Variants in ATP2B2 observed in about 807,000 individuals in gnomAD.
ATP2B2 encodes ATPase plasma membrane Ca2+ transporting 2, also known as plasma membrane calcium-transporting ATPase 2.
Under a neutral mutation model 120.0 loss-of-function variants are expected in ATP2B2, and 15 were observed. The observed-to-expected ratio is 0.12, with a 90% CI of 0.08 to 0.19. The LOEUF is 0.19. Ranked by LOEUF, ATP2B2 falls within the 10% of genes least tolerant of loss-of-function variation. The pLI is 1.00. For missense variants in ATP2B2, 1,045 were observed against 1,719.8 expected (o/e 0.61, Z 6.94); for synonymous variants, 694 against 700.3 (o/e 0.99, Z 0.14).
At chr3:10,612,736 C>A (rs1045337355) in intron 2 of ATP2B2, among the ~76,000 whole-genome samples, 1 of 152,186 alleles carries the variant, frequency 6.6e-6, no homozygotes, top group South Asian at 2.1e-4. Context: ...CACACCATTA[C>A]CCTCTGTTTT....
intron 2 of ATP2B2, among the ~76,000 whole-genome samples, chr3:10,429,496 C>A (rs375317521): frequency 6.6e-6 from 1 of 152,056 alleles, no homozygotes; most frequent in Non-Finnish European, 1.5e-5. Flanking sequence ...CTATTGTAAC[C>A]GTTTTGGGGC....
At chr3:10,481,429 C>T (rs1475698454) in intron 1 of ATP2B2, among the ~76,000 whole-genome samples, 5 of 152,172 alleles carry the variant, frequency 3.3e-5, no homozygotes, top group Admixed American at 3.3e-4. Flanking sequence ...AGTCCCCCAC[C>T]TCAGGCAGTG....
At chr3:10,363,147 C>A (rs2060948393) in intron 12 of ATP2B2, among the ~76,000 whole-genome samples, 1 of 152,176 alleles carries the variant, frequency 6.6e-6, no homozygotes, top group South Asian at 2.1e-4. Flanking sequence ...TTGCAAATGG[C>A]AGAGCTGCCT....
chr3:10,351,178 C>T (rs960031522), intron 14 of ATP2B2, among the ~76,000 whole-genome samples: 3 of 152,160 alleles, frequency 2.0e-5, no homozygotes, highest in Non-Finnish European at 2.9e-5. Flanking sequence ...TAATGACAGA[C>T]GGATATCTGG....
intron 3 of ATP2B2, among the ~76,000 whole-genome samples, chr3:10,519,771 G>A (rs2066946129): frequency 6.6e-6 from 1 of 152,216 alleles, no homozygotes; most frequent in African/African-American, 2.4e-5. Flanking sequence ...ACTGAGCCAG[G>A]CACTCAGCAG....
chr3:10,429,145 G>A (rs576226565), intron 2 of ATP2B2, among the ~76,000 whole-genome samples: 8 of 151,960 alleles, frequency 5.3e-5, no homozygotes, highest in Admixed American at 1.3e-4. Context: ...TGCATCCTCC[G>A]GGTCTCCTCT....
chr3:10,337,148 A>G (rs2060139440), intron 22 of ATP2B2, among the ~76,000 whole-genome samples: 1 of 152,214 alleles, frequency 6.6e-6, no homozygotes, highest in African/African-American at 2.4e-5. Flanking sequence ...GGTAACCTCT[A>G]AAACTGGGGG....
chr3:10,611,637 C>T (rs923827721), intron 2 of ATP2B2, among the ~76,000 whole-genome samples: 30 of 151,934 alleles, frequency 2.0e-4, no homozygotes, highest in African/African-American at 7.0e-4. Context: ...TGACTGGGTC[C>T]TCACCCAGGA....
chr3:10,587,001 C>A (rs184358428), intron 2 of ATP2B2, among the ~76,000 whole-genome samples: 17 of 152,270 alleles, frequency 1.1e-4, no homozygotes. Context: ...CTTAGCACCA[C>A]CAGATAATCT....
intron 1 of ATP2B2, among the ~76,000 whole-genome samples, chr3:10,491,451 C>T (rs987622481): frequency 5.3e-5 from 8 of 152,154 alleles, no homozygotes; most frequent in Non-Finnish European, 1.0e-4. Flanking sequence ...GTATGGAATT[C>T]CTGACCCCAA....
At chr3:10,337,224 G>C (rs1229891380) in intron 22 of ATP2B2, among the ~76,000 whole-genome samples, 1 of 152,226 alleles carries the variant, frequency 6.6e-6, no homozygotes, top group Non-Finnish European at 1.5e-5. Flanking sequence ...GGTACAGAGG[G>C]GTGGGAGGTG....
chr3:10,385,471 A>C, intron 7 of ATP2B2, 144 bp from the exon 8 acceptor site: 68 of 685,232 alleles, frequency 9.9e-5, no homozygotes, highest in East Asian at 2.9e-4. Context: ...AGAAACTCAA[A>C]TTTGGGGTGG....
intron 7 of ATP2B2, among the ~76,000 whole-genome samples, chr3:10,385,672 G>A (rs961001862): frequency 1.4e-4 from 21 of 152,200 alleles, no homozygotes; most frequent in South Asian, 2.1e-4. Flanking sequence ...ATGAAATGAG[G>A]AGATCTGGCT....
At chr3:10,332,280 C>T (rs2125331521) in intron 22 of ATP2B2, 3 of 533,594 alleles carry the variant, frequency 5.6e-6, no homozygotes, top group South Asian at 5.0e-5. Flanking sequence ...GGTGCCTTAT[C>T]TGTCTAGCAA....
chr3:10,351,646 C>T (rs1027086280), intron 14 of ATP2B2, among the ~76,000 whole-genome samples: 1 of 152,230 alleles, frequency 6.6e-6, no homozygotes, highest in Non-Finnish European at 1.5e-5. Context: ...GCCCCAGTAC[C>T]TGTGTATGTG....
At chr3:10,566,563 A>G (rs1334096591) in intron 2 of ATP2B2, 1 of 152,238 alleles carries the variant, frequency 6.6e-6, no homozygotes, top group African/African-American at 2.4e-5. Flanking sequence ...CAGATAATGG[A>G]TCCTACTTGG....
chr3:10,528,962 T>G (rs573176594), intron 3 of ATP2B2, among the ~76,000 whole-genome samples: 1 of 152,236 alleles, frequency 6.6e-6, no homozygotes, highest in South Asian at 2.1e-4. Flanking sequence ...CCCAGATCCA[T>G]GAGATGACTT....
At position 10,346,979 on chromosome 3, in the gene ATP2B2, C is replaced by T. The variant is rs117302232; in HGVS notation, c.2405-842G>A. Among the ~76,000 whole-genome samples, 17 of 152,312 alleles carry T rather than the reference C, an allele frequency of 1.1e-4. No homozygotes were observed. In the East Asian group the frequency reaches 3.3e-3, roughly 29 times the overall value. On this transcript the variant is annotated intron_variant, in intron 16 of 22. Coordinates refer to ENST00000360273, the MANE Select transcript of ATP2B2 (RefSeq NM_001001331.4). The surrounding 1 kb of genome is among the most constrained non-coding windows in gnomAD (Gnocchi z 4.1). ...ATCACTTTGTTTCCTCTCACTGACTCTGGACTCCCCCTCCAACTTGCTTCC... is the reference window on the plus strand; with the variant it reads ...ATCACTTTGTTTCCTCTCACTGACTTTGGACTCCCCCTCCAACTTGCTTCC...
chr3:10,334,794 C>T lies in ATP2B2; in HGVS notation c.3420+3382G>A, dbSNP rs79583928. Among the ~76,000 whole-genome samples, 791 of 115,266 alleles carry T rather than the reference C, an allele frequency of 6.9e-3. 18 individuals are homozygous for T. Among genetic ancestry groups the T allele is most frequent in the Admixed American group, 0.06 (640 of 10,698 alleles). The allele number at this position is 115,266 out of a possible 152,430, so 75.6% of individuals were successfully genotyped here. Reference sequence around the variant, plus strand: ...GAGGGAGGCGCTCCCACCAGCACACCGGGTTACCTGCTTGGCTGCAGGGGT... The same window carrying T: ...GAGGGAGGCGCTCCCACCAGCACACTGGGTTACCTGCTTGGCTGCAGGGGT... On this transcript the variant is annotated intron_variant, in intron 22 of 22. Transcript: ENST00000360273.
Sources: allele counts gnomAD v4.1 joint callset (sites outside exome capture counted in the v4.1 genomes callset), GRCh38; gene constraint gnomAD v4.1.1; non-coding constraint Gnocchi (gnomAD v3.1); transcripts MANE v1.5; gene names NCBI Gene and HGNC (gene_info 2026-07-23, HGNC 2026-07-21).